Variants in CDH12 observed in about 807,000 individuals in gnomAD.
CDH12 encodes the protein cadherin-12.
CDH12 carries 41 observed loss-of-function variants against 74.1 expected under a neutral mutation model. The ratio of observed to expected loss-of-function variants is 0.55; its 90% CI spans 0.43 to 0.72. The LOEUF (loss-of-function observed/expected upper bound fraction) is 0.72, where lower values mean the gene tolerates loss of function less well. CDH12 is among the 30% of genes least tolerant of loss of function. CDH12 has a pLI of 0.00. For synonymous variants in CDH12, 399 were observed against 355.0 expected (o/e 1.12, Z -1.39); for missense variants, 945 against 977.2 (o/e 0.97, Z 0.44).
In CDH12 at chr5:22,039,730, T is replaced by G. The variant is rs149347121; in HGVS notation, c.231+38716A>C. Among the ~76,000 whole-genome samples, 383 of 152,254 alleles carry G rather than the reference T, an allele frequency of 2.5e-3. 1 individual carries two copies. The highest frequency in any genetic ancestry group is 3.9e-3 in the Admixed American group (60 of 15,296). ...AGTCATTGCTGATGTTGGTCACAAC[T>G]AAAGAAGCTGCATGGAGGCTATACC... is the stretch of plus-strand genomic sequence containing the variant. On this transcript the variant is annotated intron_variant, in intron 5 of 14. Transcript: ENST00000382254.
Position 21,961,177 on chromosome 5 carries a change from T to C in CDH12, c.526+13914A>G, listed in dbSNP as rs183287244. Among the ~76,000 whole-genome samples the C allele has an allele frequency of 3.9e-5, 6 of 152,320 alleles. No individual in the cohort carries two copies. In the East Asian group the frequency reaches 1.2e-3, roughly 29 times the overall value. On this transcript the variant is annotated intron_variant, in intron 6 of 14. Coordinates refer to ENST00000382254, the MANE Select transcript of CDH12 (RefSeq NM_004061.5). ...GACTGAAAGTCTTTCTATTTTTCTG[T>C]TTAGTTCTGTCTGTTTTTACTTCGT...
chr5:22,843,399 C>T (rs780628572), intron 1 of CDH12, among the ~76,000 whole-genome samples: 2 of 152,014 alleles, frequency 1.3e-5, no homozygotes, highest in Non-Finnish European at 2.9e-5. Context: ...CTATTCTTTA[C>T]CTCCCCCATG....
chr5:22,150,391 C>T (rs1747486544), intron 4 of CDH12, among the ~76,000 whole-genome samples: 1 of 151,898 alleles, frequency 6.6e-6, no homozygotes, highest in African/African-American at 2.4e-5. Context: ...ATATAATATC[C>T]TTATGGTTTT....
chr5:22,009,116 G>A (rs1455032119), intron 5 of CDH12, among the ~76,000 whole-genome samples: 1 of 152,162 alleles, frequency 6.6e-6, no homozygotes, highest in Admixed American at 6.5e-5. Context: ...TACTTCTAAT[G>A]CCATCAAGAG....
At chr5:21,880,580 C>CTTCCTTCCTTCCCTTCTTTCT (rs1752228602) in intron 6 of CDH12, among the ~76,000 whole-genome samples, 2 of 41,342 alleles carry the variant, frequency 4.8e-5, no homozygotes, top group Admixed American at 3.2e-4. Context: ...TCTTTCCTTC[C>CTTCCTTCCTTCCCTTCTTTCT]TTCCTTCCTT....
intron 6 of CDH12, among the ~76,000 whole-genome samples, chr5:21,861,414 A>T (rs1462963503): frequency 6.6e-6 from 1 of 152,088 alleles, no homozygotes; most frequent in African/African-American, 2.4e-5. Context: ...CTTAACTAAA[A>T]TAAAAATATA....
chr5:22,178,025 T>C (rs1318036521), intron 4 of CDH12, among the ~76,000 whole-genome samples: 1 of 152,198 alleles, frequency 6.6e-6, no homozygotes, highest in Non-Finnish European at 1.5e-5. Flanking sequence ...ACATGATTGC[T>C]GTTGACTTCT....
intron 6 of CDH12, among the ~76,000 whole-genome samples, chr5:21,932,018 G>A (rs1287076669): frequency 3.3e-5 from 5 of 152,242 alleles, no homozygotes; most frequent in South Asian, 2.1e-4. Flanking sequence ...TATAATCACG[G>A]CATTTTAACA....
intron 1 of CDH12, among the ~76,000 whole-genome samples, chr5:22,562,281 C>A (rs1302678581): frequency 1.3e-5 from 2 of 152,068 alleles, no homozygotes; most frequent in East Asian, 3.9e-4. Flanking sequence ...CCCGCCACTG[C>A]ACTCCAGCCT....
At position 22,605,115 on chromosome 5, in the gene CDH12, G is replaced by T. The variant is rs1253434008; in HGVS notation, c.-522-99751C>A. The stretch of plus-strand genomic sequence containing the variant: ...TTGATAATTTTATGGGCTTCATTCA[G>T]TCAGTTGAAGGTCTGAATAGAAGGA... On this transcript the variant is annotated intron_variant, in intron 1 of 14. Coordinates refer to ENST00000382254, the MANE Select transcript of CDH12 (RefSeq NM_004061.5). 3.3e-5 allele frequency among the ~76,000 whole-genome samples: 5 copies of T among 152,294 alleles called. No individual in the cohort carries two copies. In the East Asian group the frequency reaches 5.8e-4, roughly 18 times the overall value.
intron 5 of CDH12, among the ~76,000 whole-genome samples, chr5:22,047,349 CT>C (rs549823892): frequency 1.3e-5 from 2 of 152,202 alleles, no homozygotes; most frequent in East Asian, 3.9e-4. Context: ...GGTACCAGAT[CT>C]TTTTGTTTAA....
chr5:21,973,390 C>A (rs531592175), intron 6 of CDH12, among the ~76,000 whole-genome samples: 1 of 152,272 alleles, frequency 6.6e-6, no homozygotes, highest in African/African-American at 2.4e-5. Flanking sequence ...TATCCCACTC[C>A]AACTGCAAAA....
intron 4 of CDH12, chr5:22,143,040 C>T (rs1045886956): frequency 7.1e-5 from 13 of 182,604 alleles, no homozygotes; most frequent in African/African-American, 1.2e-4. Context: ...AAGAAAGTAG[C>T]GTTAAGATAG....
intron 6 of CDH12, among the ~76,000 whole-genome samples, chr5:21,924,345 G>A (rs1413109866): frequency 3.3e-5 from 5 of 152,060 alleles, no homozygotes; most frequent in African/African-American, 1.2e-4. Context: ...GCAAAACCCT[G>A]TCTCTACTAA....
intron 3 of CDH12, among the ~76,000 whole-genome samples, chr5:22,392,951 G>A (rs772786935): frequency 2.0e-5 from 3 of 151,948 alleles, no homozygotes; most frequent in African/African-American, 4.8e-5. Flanking sequence ...CTACTCTCTC[G>A]GTCACCTCCA....
intron 5 of CDH12, among the ~76,000 whole-genome samples, chr5:21,984,871 T>C (rs1240186752): frequency 6.6e-6 from 1 of 152,190 alleles, no homozygotes; most frequent in African/African-American, 2.4e-5. Flanking sequence ...TTGCAAATAA[T>C]TTACAAACAT....
chr5:21,880,849 G>T (rs760209709), intron 6 of CDH12, among the ~76,000 whole-genome samples: 21 of 151,740 alleles, frequency 1.4e-4, no homozygotes, highest in Admixed American at 2.0e-4. Flanking sequence ...TGGAGTCAGG[G>T]TTTATCAATT....
intron 1 of CDH12, among the ~76,000 whole-genome samples, chr5:22,701,271 C>A (rs1259229435): frequency 6.6e-6 from 1 of 152,110 alleles, no homozygotes; most frequent in East Asian, 1.9e-4. Context: ...CAGCAAATTG[C>A]ACCCTCATTG....
intron 5 of CDH12, among the ~76,000 whole-genome samples, chr5:22,047,652 T>G (rs528262772): frequency 6.6e-6 from 1 of 152,140 alleles, no homozygotes; most frequent in Non-Finnish European, 1.5e-5. Flanking sequence ...TGGCATCTAC[T>G]TCCAGTTTTT....
Sources: gnomAD v4.1 joint callset for allele counts (sites outside exome capture counted in the v4.1 genomes callset) on GRCh38, gnomAD v4.1.1 for gene constraint, MANE v1.5 for transcripts, NCBI Gene and HGNC (gene_info 2026-07-23, HGNC 2026-07-21) for gene names.